AK1: variants seen among roughly 807,000 people sequenced by gnomAD.
AK1 encodes adenylate kinase isoenzyme 1.
Under a neutral mutation model 23.9 loss-of-function variants are expected in AK1, and 13 were observed. The ratio of observed to expected loss-of-function variants is 0.54; its 90% CI spans 0.35 to 0.86. The LOEUF (loss-of-function observed/expected upper bound fraction) is 0.86, where lower values mean the gene tolerates loss of function less well. Among genes scored for constraint, AK1 ranks in the 40% least tolerant of loss-of-function variants. The pLI, the probability that AK1 is intolerant of heterozygous loss-of-function variation, is 0.01. For missense variants in AK1, 214 were observed against 255.1 expected (o/e 0.84, Z 1.10); for synonymous variants, 97 against 102.8 (o/e 0.94, Z 0.34).
intron 2 of AK1, 95 bp from the exon 3 acceptor site, chr9:127,873,156 G>T: frequency 6.4e-7 from 1 of 1,559,374 alleles, no homozygotes; most frequent in East Asian, 2.4e-5. Context: ...GGCCCCAGGC[G>T]GAGGGACAGA....
chr9:127,872,968 G>A (rs2131404837), intron 3 of AK1, 58 bp downstream of exon 3: 1 of 1,613,666 alleles, frequency 6.2e-7, no homozygotes, highest in Non-Finnish European at 8.5e-7. Flanking sequence ...CCCAGGCCCG[G>A]GCTCCCTCCA....
At position 127,871,550 on chromosome 9, in the gene AK1, T is replaced by G. The variant is rs1404688482; in HGVS notation, c.324+273A>C. 6.6e-6 allele frequency among the ~76,000 whole-genome samples: 1 copy of G among 151,568 alleles called. No individual in the cohort carries two copies. Among genetic ancestry groups the G allele is most frequent in the East Asian group, 1.9e-4 (1 of 5,190 alleles). The stretch of plus-strand genomic sequence containing the variant: ...ATTTTGCAGATGGGAAAACTGAGGT[T>G]CAGGAGGCAGAATGACTGGCCCAAG... On this transcript the variant is annotated intron_variant, in intron 5 of 6. Transcript: ENST00000644144. The surrounding 1 kb of genome is among the most constrained non-coding windows in gnomAD (Gnocchi z 4.4).
intron 5 of AK1, among the ~76,000 whole-genome samples, chr9:127,870,165 C>A (rs1829356224): frequency 6.6e-6 from 1 of 151,186 alleles, no homozygotes; most frequent in African/African-American, 2.4e-5. Context: ...CTGCGGCCCT[C>A]AGCGGCACCT....
At chr9:127,876,078 T>C (rs1829532171) in intron 1 of AK1, among the ~76,000 whole-genome samples, 1 of 152,202 alleles carries the variant, frequency 6.6e-6, no homozygotes, top group African/African-American at 2.4e-5. Context: ...TCTGCTGCCC[T>C]CTGCAACCCT....
At chr9:127,870,429 C>G (rs1197653640) in intron 5 of AK1, among the ~76,000 whole-genome samples, 1 of 152,126 alleles carries the variant, frequency 6.6e-6, no homozygotes, top group Non-Finnish European at 1.5e-5. Flanking sequence ...TTGACCCTGA[C>G]CTCAAGTGAT....
chr9:127,872,002 C>T, intron 4 of AK1, 63 bp from the exon 5 acceptor site: 1 of 1,358,128 alleles, frequency 7.4e-7, no homozygotes, highest in Non-Finnish European at 1.1e-6. Flanking sequence ...CTCCCAGCCT[C>T]TGCTCACGCT....
intron 1 of AK1, among the ~76,000 whole-genome samples, chr9:127,875,180 C>T (rs1026184943): frequency 2.0e-5 from 3 of 152,072 alleles, no homozygotes; most frequent in African/African-American, 7.2e-5. Context: ...TCTACAGGAG[C>T]CGCTCGCATG....
chr9:127,873,586 A>T, intron 2 of AK1: 1 of 1,424,388 alleles, frequency 7.0e-7, no homozygotes, highest in South Asian at 1.5e-5. Context: ...GCCGGGGTGG[A>T]GGGCTGTGGT....
In AK1 at chr9:127,877,272, C is replaced by T. The variant is rs941115050; in HGVS notation, c.-33+351G>A. Among the ~76,000 whole-genome samples the T allele has an allele frequency of 6.6e-6, 1 of 151,960 alleles. No homozygotes were observed. The highest frequency in any genetic ancestry group is 2.4e-5 in the African/African-American group (1 of 41,350). ...AGGTCCTCTGGGGCAGGGAGCCAGG[C>T]CACAGCTCTCCCTCTCTGGGCCCAA... is the stretch of plus-strand genomic sequence containing the variant. On this transcript the variant is annotated intron_variant, in intron 1 of 6. Transcript: ENST00000644144. The surrounding 1 kb of genome is among the most constrained non-coding windows in gnomAD (Gnocchi z 5.2).
intron 2 of AK1, chr9:127,873,331 C>G (rs374335829): frequency 7.1e-6 from 11 of 1,541,010 alleles, no homozygotes; most frequent in Non-Finnish European, 8.7e-6. Flanking sequence ...ACACAGCCAG[C>G]GGGCTGGGCC....
intron 2 of AK1, 43 bp from the exon 3 acceptor site, chr9:127,873,104 A>T (rs1299533769): frequency 6.2e-7 from 1 of 1,601,488 alleles, no homozygotes; most frequent in Non-Finnish European, 8.5e-7. Context: ...CACTCGCTGG[A>T]CCCACAGCCA....
intron 1 of AK1, chr9:127,874,890 G>T: frequency 1.9e-6 from 1 of 526,328 alleles, no homozygotes; most frequent in Non-Finnish European, 3.5e-6. Flanking sequence ...TCACAGAAGG[G>T]CAGTAGCCCC....
intron 4 of AK1, 40 bp downstream of exon 4, chr9:127,872,650 C>A: frequency 6.2e-7 from 1 of 1,612,428 alleles, no homozygotes; most frequent in Non-Finnish European, 8.5e-7. Context: ...CTCAGGGCTA[C>A]TGTCATCCCC....
In AK1 at chr9:127,868,417, G is replaced by A. The variant is rs771589195; in HGVS notation, c.420C>T (p.Asp140=). The A allele has an allele frequency of 6.2e-6, 10 of 1,612,220 alleles. No homozygotes were observed. Among genetic ancestry groups the A allele is most frequent in the African/African-American group, 2.7e-5 (2 of 74,836 alleles). ...LKRGETSGRV[D]DNEETIKKRL... ...GCTTTTTGATGGTCTCCTCATTGTC[G>A]TCCACACGCCCGCTGGTCTCTCCAC... Residue 140 remains aspartate (D), a synonymous_variant, in exon 6 of 7, where the codon GAC becomes GAT. Transcript: ENST00000644144. The surrounding 1 kb of genome is among the most constrained non-coding windows in gnomAD (Gnocchi z 4.1).
chr9:127,872,748 C>A lies in AK1; in HGVS notation c.149G>T (p.Gly50Val), dbSNP rs370179913. The change falls in exon 4 of 7, where the codon GGC becomes GTC. Residue 50 changes from glycine to valine, a missense_variant. Gly to Val is a moderately radical substitution (Grantham distance 109). Coordinates refer to ENST00000644144, the MANE Select transcript of AK1 (RefSeq NM_000476.3). ...CGACAGCTTCTTGCCCCTGGCCGAG[C>A]CTGAGCTGACCTCGGACCGCAGGAG... ...GDLLRSEVSS[G>V]SARGKKLSEI... The A allele has an allele frequency of 1.2e-6, 2 of 1,614,176 alleles. No homozygotes were observed. The highest frequency in any genetic ancestry group is 1.1e-5 in the South Asian group (1 of 91,084).
At chr9:127,872,582 G>A in intron 4 of AK1, 108 bp downstream of exon 4, 5 of 1,451,692 alleles carry the variant, frequency 3.4e-6, no homozygotes, top group South Asian at 1.2e-5. Context: ...TGGAGCCGGG[G>A]GCGGTTACGG....
chr9:127,875,572 C>T (rs1194559866), intron 1 of AK1, among the ~76,000 whole-genome samples: 1 of 152,064 alleles, frequency 6.6e-6, no homozygotes, highest in Non-Finnish European at 1.5e-5. Context: ...GGCACCCACA[C>T]CACCCTCTCT....
chr9:127,872,518 G>A (rs565980557), intron 4 of AK1, among the ~76,000 whole-genome samples, 172 bp downstream of exon 4: 6 of 152,154 alleles, frequency 3.9e-5, no homozygotes, highest in Admixed American at 6.5e-5. Context: ...CAAGGTCTTG[G>A]GAGCTTCTGG....
At chr9:127,874,411 G>T in intron 2 of AK1, 200 bp downstream of exon 2, 1 of 985,356 alleles carries the variant, frequency 1.0e-6, no homozygotes, top group Non-Finnish European at 1.2e-6. Context: ...GGGAGGCCTC[G>T]TCACGTCTAA....
Sources: gnomAD v4.1 joint callset for allele counts (sites outside exome capture counted in the v4.1 genomes callset) on GRCh38, gnomAD v4.1.1 for gene constraint, Gnocchi (gnomAD v3.1) non-coding constraint, MANE v1.5 for transcripts, NCBI Gene and HGNC (gene_info 2026-07-23, HGNC 2026-07-21) for gene names.